The following CSF1R variants were observed in gnomAD, a reference collection of about 807,000 sequenced individuals.
The protein encoded by CSF1R is colony stimulating factor 1 receptor, also known as macrophage colony-stimulating factor 1 receptor.
CSF1R carries 40 observed loss-of-function variants against 110.0 expected under a neutral mutation model. The ratio of observed to expected loss-of-function variants is 0.36; its 90% CI spans 0.28 to 0.47. CSF1R has a LOEUF of 0.47. Among genes scored for constraint, CSF1R ranks in the 20% least tolerant of loss-of-function variants. The pLI is 0.99. For missense variants in CSF1R, 1,052 were observed against 1,253.0 expected (o/e 0.84, Z 2.42); for synonymous variants, 523 against 503.4 (o/e 1.04, Z -0.52).
intron 10 of CSF1R, among the ~76,000 whole-genome samples, chr5:150,067,566 C>G (rs1174386871): frequency 6.6e-6 from 1 of 152,204 alleles, no homozygotes; most frequent in African/African-American, 2.4e-5. Flanking sequence ...ACAGGAAGCA[C>G]ACTATACGCA....
At chr5:150,072,000 C>T (rs1326312272) in intron 6 of CSF1R, among the ~76,000 whole-genome samples, 2 of 152,212 alleles carry the variant, frequency 1.3e-5, no homozygotes, top group Non-Finnish European at 2.9e-5. Flanking sequence ...GGGATCCACA[C>T]AGGGATGACA....
At chr5:150,081,054 G>C (rs1382069032) in intron 1 of CSF1R, 30 bp from the exon 2 acceptor site, 2 of 1,612,520 alleles carry the variant, frequency 1.2e-6, no homozygotes, top group Admixed American at 3.3e-5. Context: ...GCAGACAGAA[G>C]TGAGGTCTAG....
intron 1 of CSF1R, among the ~76,000 whole-genome samples, chr5:150,083,372 ACACAC>A (rs1162946231): frequency 7.0e-6 from 1 of 142,110 alleles, no homozygotes; most frequent in East Asian, 2.0e-4. Flanking sequence ...ACACACACAC[ACACAC>A]ACACACACAC....
chr5:150,111,434 C>T (rs1759714138), intron 1 of CSF1R, among the ~76,000 whole-genome samples: 1 of 152,208 alleles, frequency 6.6e-6, no homozygotes, highest in Non-Finnish European at 1.5e-5. Context: ...CCCTGCCTGC[C>T]CTCTGCACAG....
intron 1 of CSF1R, among the ~76,000 whole-genome samples, chr5:150,084,863 G>A: frequency 6.6e-6 from 1 of 152,220 alleles, no homozygotes; most frequent in East Asian, 1.9e-4. Flanking sequence ...ACAAGGCAGT[G>A]AAATCAAACC....
intron 1 of CSF1R, among the ~76,000 whole-genome samples, chr5:150,102,572 C>T (rs1265907135): frequency 1.3e-5 from 2 of 152,112 alleles, no homozygotes; most frequent in Non-Finnish European, 1.5e-5. Flanking sequence ...CTCTGACTCC[C>T]AGGTTCAAGC....
chr5:150,059,572 C>T (rs2113786925), intron 14 of CSF1R, 128 bp downstream of exon 14: 1 of 1,081,542 alleles, frequency 9.2e-7, no homozygotes, highest in Non-Finnish European at 1.3e-6. Context: ...CTTCCCATGA[C>T]ACAGGTGGCA....
chr5:150,061,776 G>A lies in CSF1R; in HGVS notation c.1700C>T (p.Thr567Met), dbSNP rs41529644. Residue 567 changes from threonine (T) to methionine (M), a missense_variant, in exon 11 of 21, where the codon ACG becomes ATG. Coordinates refer to ENST00000675795, the MANE Select transcript of CSF1R (RefSeq NM_001288705.3). ...EGNSYTFIDP[T>M]QLPYNEKWEF... Reference sequence around the variant, plus strand: ...CCACTTCTCGTTGTAAGGCAGCTGCGTGGGGTCGATGAAAGTATAACTGTT... The same window carrying A: ...CCACTTCTCGTTGTAAGGCAGCTGCATGGGGTCGATGAAAGTATAACTGTT... The A allele has an allele frequency of 1.6e-5, 26 of 1,614,124 alleles. No homozygotes were observed. Among genetic ancestry groups the A allele is most frequent in the Middle Eastern group, 3.3e-4 (2 of 6,084 alleles).
intron 1 of CSF1R, among the ~76,000 whole-genome samples, chr5:150,104,060 C>T (rs925293574): frequency 2.0e-5 from 3 of 152,152 alleles, no homozygotes; most frequent in Non-Finnish European, 4.4e-5. Flanking sequence ...AACAAGCTCT[C>T]TAGCGGATTC....
rs150512328 is a variant in CSF1R, at chr5:150,059,584, G to A, written c.2132+116C>T. ...CTACTTCCCATGACACAGGTGGCAG[G>A]TGAGGGCTGCATAGCCACCCATTCA... is the stretch of plus-strand genomic sequence containing the variant. On this transcript the variant is annotated intron_variant, in intron 14 of 20. Transcript: ENST00000675795. 4.0e-4 allele frequency: 494 copies of A among 1,248,692 alleles called. 2 individuals carry two copies. The African/African-American group carries it at 5.7e-3, about 14-fold the overall frequency. 77.4% of individuals were successfully genotyped at this position (1,248,692 alleles called of 1,614,324 possible).
rs181077253 is a variant in CSF1R, at chr5:150,080,694, T to C, written c.307+73A>G. ...TAAATGCAGAGCTGAATTGTTACGA[T>C]TGTTAATTTTAGGGCCCATTGTAGT... On this transcript the variant is annotated intron_variant, in intron 2 of 20. Transcript: ENST00000675795. 1.5e-5 allele frequency: 24 copies of C among 1,560,800 alleles called. 1 individual carries two copies. In the East Asian group the frequency reaches 4.1e-4, roughly 26 times the overall value.
At chr5:150,057,217 T>C in intron 16 of CSF1R, 70 bp downstream of exon 16, 1 of 1,355,930 alleles carries the variant, frequency 7.4e-7, no homozygotes, top group South Asian at 1.2e-5. Flanking sequence ...CTCCTCCCCA[T>C]CGTCACTCAT....
rs965360550 is a variant in CSF1R at position 150,101,175 on chromosome 5, C to T, written c.-181+12086G>A. Among the ~76,000 whole-genome samples the T allele has an allele frequency of 6.6e-5, 10 of 152,274 alleles. No individual in the cohort carries two copies. The East Asian group carries it at 7.7e-4, about 12-fold the overall frequency. On this transcript the variant is annotated intron_variant, in intron 1 of 21. Transcript: ENST00000286301. ...GAATGAGATGGAAGTGAGGGTGTTC[C>T]AGTTTCAAGCCTAGGCCACAAGAGG...
intron 15 of CSF1R, 50 bp from the exon 16 acceptor site, chr5:150,057,434 C>T: frequency 6.2e-7 from 1 of 1,610,468 alleles, no homozygotes. Flanking sequence ...CCCCACCCCT[C>T]ACCCCAGCAG....
At chr5:150,067,739 G>A (rs1757836241) in intron 10 of CSF1R, among the ~76,000 whole-genome samples, 1 of 152,192 alleles carries the variant, frequency 6.6e-6, no homozygotes, top group African/African-American at 2.4e-5. Context: ...CCTCTGCCCC[G>A]TGCTGGGTGC....
At chr5:150,104,032 G>C (rs1286108171) in intron 1 of CSF1R, among the ~76,000 whole-genome samples, 3 of 151,988 alleles carry the variant, frequency 2.0e-5, no homozygotes, top group Non-Finnish European at 4.4e-5. Flanking sequence ...GGGGTGGGAG[G>C]GGGGTACCTG....
At position 150,054,115 on chromosome 5, in the gene CSF1R, T is replaced by A. The variant is rs764837673; in HGVS notation, c.2873A>T (p.Asp958Val). The change falls in exon 21 of 21, where the codon GAT (aspartate) becomes GTT (valine). Residue 958 changes from aspartate to valine, a missense_variant. Around this residue, in one of 5 missense-constraint regions of CSF1R, gnomAD observed 85 missense variants for 78.8 expected, o/e 1.08. Transcript: ENST00000675795. ...GGGCTGCAGCAAGGGCTGGGCGATA[T>A]CCCCTTGCTCGCAGCAGGTCAGGTG... ...SEHLTCCEQG[D>V]IAQPLLQPNN... 6 of 1,613,948 alleles carry A rather than the reference T, an allele frequency of 3.7e-6. No homozygotes were observed. The Admixed American group carries it at 8.3e-5, about 22-fold the overall frequency.
intron 1 of CSF1R, chr5:150,094,361 A>G: frequency 6.2e-7 from 1 of 1,600,018 alleles, no homozygotes. Context: ...CCCTTAAGAA[A>G]AAGCGAAGGA....
Position 150,068,303 on chromosome 5 carries a change from A to G in CSF1R, c.1538T>C (p.Phe513Ser). The G allele has an allele frequency of 6.2e-7, 1 of 1,612,958 alleles. No homozygotes were observed. The highest frequency in any genetic ancestry group is 8.5e-7 in the Non-Finnish European group (1 of 1,179,904). The change falls in exon 10 of 21, where the codon TTC (phenylalanine) becomes TCC (serine). Residue 513 changes from phenylalanine to serine, a missense_variant. Transcript: ENST00000675795. ...GGCGACCACCACTGGTGTGAAGAGG[A>G]ACTCATCCGGGGGATGCGTGTGGGC... ...AGAHTHPPDE[F>S]LFTPVVVACM...
Sources: allele counts gnomAD v4.1 joint callset (sites outside exome capture counted in the v4.1 genomes callset), GRCh38; gene constraint gnomAD v4.1.1; regional missense constraint gnomAD v4.1.1; transcripts MANE v1.5; gene names NCBI Gene and HGNC (gene_info 2026-07-23, HGNC 2026-07-21).